The following CHCHD3 variants were observed in gnomAD, a reference collection of about 807,000 sequenced individuals.
The protein encoded by CHCHD3 is MICOS complex subunit MIC19.
In CHCHD3, 20 loss-of-function variants were observed where a neutral mutation model predicts 38.2. That is an observed-to-expected ratio of 0.52 (90% CI 0.37 to 0.76). The LOEUF is 0.76. CHCHD3 is among the 30% of genes least tolerant of loss of function. The pLI is 0.00. For missense variants in CHCHD3, 245 were observed against 279.2 expected (o/e 0.88, Z 0.87); for synonymous variants, 82 against 100.0 (o/e 0.82, Z 1.07).
intron 3 of CHCHD3, among the ~76,000 whole-genome samples, chr7:133,024,300 G>T (rs78036865): frequency 6.6e-6 from 1 of 152,084 alleles, no homozygotes. Context: ...GAGAAAACAC[G>T]GCTCAATATT....
At chr7:132,967,116 C>T (rs1811484300) in intron 4 of CHCHD3, among the ~76,000 whole-genome samples, 2 of 152,178 alleles carry the variant, frequency 1.3e-5, no homozygotes, top group South Asian at 4.1e-4. Context: ...CAGGACACCA[C>T]TCAACAAGAA....
chr7:132,844,039 C>A (rs1362223648), intron 5 of CHCHD3, among the ~76,000 whole-genome samples: 1 of 152,234 alleles, frequency 6.6e-6, no homozygotes, highest in Non-Finnish European at 1.5e-5. Flanking sequence ...GTGGCTCACG[C>A]CTGTAATCCC....
chr7:132,928,239 G>GA (rs1810421909), intron 4 of CHCHD3, among the ~76,000 whole-genome samples: 1 of 152,186 alleles, frequency 6.6e-6, no homozygotes, highest in Non-Finnish European at 1.5e-5. Flanking sequence ...GGTGAACGCT[G>GA]AAGTTAGGAA....
At chr7:132,985,367 G>A (rs1280857689) in intron 3 of CHCHD3, among the ~76,000 whole-genome samples, 5 of 64,618 alleles carry the variant, frequency 7.7e-5, no homozygotes, top group African/African-American at 1.2e-4. Context: ...CCCCGTCCGG[G>A]AAGGAGGTGG....
chr7:132,822,432 A>T (rs1473418052), intron 6 of CHCHD3, among the ~76,000 whole-genome samples: 4 of 148,770 alleles, frequency 2.7e-5, no homozygotes, highest in Non-Finnish European at 4.5e-5. Context: ...TTTTTAATTT[A>T]AAAAAAAAAG....
intron 2 of CHCHD3, among the ~76,000 whole-genome samples, chr7:133,031,118 T>G (rs1481720819): frequency 3.3e-5 from 5 of 152,156 alleles, no homozygotes; most frequent in Non-Finnish European, 5.9e-5. Flanking sequence ...ATTCCTAAAC[T>G]TATACTTGAT....
chr7:132,909,175 CTG>C (rs1363994771), intron 4 of CHCHD3, among the ~76,000 whole-genome samples: 1 of 152,154 alleles, frequency 6.6e-6, no homozygotes, highest in East Asian at 1.9e-4. Context: ...CCCTGCAGAA[CTG>C]TGAGTCAATT....
chr7:133,074,707 G>A (rs188520414), intron 1 of CHCHD3, among the ~76,000 whole-genome samples: 3 of 152,142 alleles, frequency 2.0e-5, no homozygotes, highest in Admixed American at 2.0e-4. Context: ...TACATTTTTA[G>A]AATCTTAAAG....
At chr7:133,036,077 G>A (rs984529304) in intron 2 of CHCHD3, 4 of 691,910 alleles carry the variant, frequency 5.8e-6, no homozygotes, top group South Asian at 1.7e-5. Flanking sequence ...AAAATAATTC[G>A]CTAGGCAATT....
At chr7:132,824,048 T>C (rs1232405902) in intron 6 of CHCHD3, among the ~76,000 whole-genome samples, 1 of 152,222 alleles carries the variant, frequency 6.6e-6, no homozygotes, top group Non-Finnish European at 1.5e-5. Flanking sequence ...CCCTGAACTT[T>C]GCTCTCAATC....
At chr7:132,932,127 A>C (rs948687758) in intron 4 of CHCHD3, among the ~76,000 whole-genome samples, 1 of 152,348 alleles carries the variant, frequency 6.6e-6, no homozygotes, top group African/African-American at 2.4e-5. Context: ...CCTGTTGGTC[A>C]GATGGAAGCC....
intron 3 of CHCHD3, among the ~76,000 whole-genome samples, chr7:132,985,089 C>G (rs2117355274): frequency 1.0e-5 from 1 of 97,448 alleles, no homozygotes. Context: ...GTTAGCCCCC[C>G]GTCCGGCCAG....
intron 3 of CHCHD3, among the ~76,000 whole-genome samples, chr7:132,979,940 T>C (rs140272012): frequency 0.015 from 2,299 of 152,342 alleles, 58 homozygotes; most frequent in African/African-American, 0.052. Flanking sequence ...AATTCTTTAC[T>C]GAGCCAAAAC....
At chr7:132,882,078 T>G (rs774134749) in intron 5 of CHCHD3, among the ~76,000 whole-genome samples, 3 of 152,198 alleles carry the variant, frequency 2.0e-5, no homozygotes, top group Non-Finnish European at 4.4e-5. Flanking sequence ...CAATGGAAAG[T>G]AAGCAAATAT....
intron 6 of CHCHD3, among the ~76,000 whole-genome samples, chr7:132,823,793 T>C (rs1440806932): frequency 6.6e-6 from 1 of 152,210 alleles, no homozygotes; most frequent in Non-Finnish European, 1.5e-5. Flanking sequence ...CACACATTCA[T>C]TGCAATGACA....
At chr7:132,955,541 TG>T (rs1213378702) in intron 4 of CHCHD3, among the ~76,000 whole-genome samples, 4 of 148,910 alleles carry the variant, frequency 2.7e-5, no homozygotes, top group East Asian at 1.9e-4. Flanking sequence ...TGGGGTTTTT[TG>T]TTTTTTTTTT....
chr7:132,975,499 T>A (rs890260020), intron 3 of CHCHD3, among the ~76,000 whole-genome samples: 1 of 152,162 alleles, frequency 6.6e-6, no homozygotes, highest in Admixed American at 6.5e-5. Flanking sequence ...TTCAAATACA[T>A]GAAGAAGCTT....
intron 3 of CHCHD3, among the ~76,000 whole-genome samples, chr7:133,020,632 T>C (rs956914320): frequency 2.6e-5 from 4 of 152,230 alleles, no homozygotes; most frequent in Non-Finnish European, 5.9e-5. Context: ...AAAATTGCTA[T>C]CTGCCAGGCG....
intron 3 of CHCHD3, among the ~76,000 whole-genome samples, chr7:132,990,120 C>T (rs2117368380): frequency 6.6e-6 from 1 of 152,162 alleles, no homozygotes; most frequent in East Asian, 1.9e-4. Context: ...TTGCAGTGAG[C>T]CGAGATCACG....
Sources: allele counts gnomAD v4.1 joint callset (sites outside exome capture counted in the v4.1 genomes callset), GRCh38; gene constraint gnomAD v4.1.1; transcripts MANE v1.5; gene names NCBI Gene and HGNC (gene_info 2026-07-23, HGNC 2026-07-21).